KLHDC4: variants seen among roughly 807,000 people sequenced by gnomAD.
The protein encoded by KLHDC4 is kelch domain containing 4, also known as kelch domain-containing protein 4.
In KLHDC4, 90 loss-of-function variants were observed where a neutral mutation model predicts 62.4. That is an observed-to-expected ratio of 1.44 (90% CI 1.22 to 1.72). The LOEUF is 1.72. Among genes scored for constraint, KLHDC4 ranks in the 40% most tolerant of loss-of-function variants. KLHDC4 has a pLI of 0.00. For missense variants in KLHDC4, 1,025 were observed against 699.7 expected (o/e 1.47, Z -5.25); for synonymous variants, 386 against 284.4 (o/e 1.36, Z -3.59).
Position 87,753,021 on chromosome 16 carries a change from G to A in KLHDC4, c.369+2173C>T, listed in dbSNP as rs115974604. 8.7e-3 allele frequency among the ~76,000 whole-genome samples: 1,331 copies of A among 152,348 alleles called. 19 individuals carry two copies. Among genetic ancestry groups the A allele is most frequent in the African/African-American group, 0.03 (1,266 of 41,584 alleles). The stretch of plus-strand genomic sequence containing the variant: ...GCCCTGACCCATGACTCCAGCCCCT[G>A]CAGGCAGCTCCTTCCCTGGAGCAGG... On this transcript the variant is annotated intron_variant, in intron 4 of 11. Transcript: ENST00000270583.
chr16:87,754,942 A>G (rs1256842499), intron 4 of KLHDC4, among the ~76,000 whole-genome samples: 2 of 152,192 alleles, frequency 1.3e-5, no homozygotes, highest in Admixed American at 6.5e-5. Context: ...GCGACACACC[A>G]GGAACGACAC....
intron 9 of KLHDC4, chr16:87,710,567 A>AG (rs1210829123): frequency 6.6e-6 from 1 of 152,286 alleles, no homozygotes; most frequent in Admixed American, 6.5e-5. Context: ...GAAAAGCCAC[A>AG]GGGGAAACCT....
At chr16:87,734,739 A>C (rs1055246933) in intron 5 of KLHDC4, among the ~76,000 whole-genome samples, 1 of 152,112 alleles carries the variant, frequency 6.6e-6, no homozygotes, top group Non-Finnish European at 1.5e-5. Flanking sequence ...CAGCTCACTA[A>C]GTTTCTTTGG....
At chr16:87,705,904 C>T (rs1372328535), downstream of KLHDC4, among the ~76,000 whole-genome samples, 4 of 152,358 alleles carry the variant, frequency 2.6e-5, no homozygotes, top group Middle Eastern at 3.4e-3. Flanking sequence ...GATTGCCCAG[C>T]ACTCAGACAA....
rs2036546793 is a variant in KLHDC4 at position 87,714,540 on chromosome 16, G to A, written c.793C>T (p.His265Tyr). 3.1e-6 allele frequency: 5 copies of A among 1,614,176 alleles called. No individual in the cohort carries two copies. In the East Asian group the frequency reaches 1.1e-4, roughly 36 times the overall value. ...GGCTTCAGCAGGAACATGTCTGAGT[G>A]CCGTGTGCCCTTGTCCACGTCTTTC... ...VKKDVDKGTR[H>Y]SDMFLLKPED... The change falls in exon 8 of 12, where the codon CAC becomes TAC. Residue 265 changes from histidine (H) to tyrosine (Y), a missense_variant. Coordinates refer to ENST00000270583, the MANE Select transcript of KLHDC4 (RefSeq NM_017566.4).
chr16:87,701,251 G>A (rs549507895), exon 1 of KLHDC4: 25 of 228,414 alleles, frequency 1.1e-4, no homozygotes, highest in African/African-American at 4.7e-4. Flanking sequence ...ACCTGGCGCT[G>A]GCTGCAGACG....
exon 1 of KLHDC4, chr16:87,699,139 C>A (rs2034026097): frequency 6.6e-6 from 1 of 152,288 alleles, no homozygotes; most frequent in East Asian, 1.9e-4. Context: ...CTGGAGAAGA[C>A]CCTCTGCCCC....
intron 5 of KLHDC4, among the ~76,000 whole-genome samples, chr16:87,735,859 C>T (rs549622187): frequency 2.7e-4 from 41 of 152,306 alleles, no homozygotes; most frequent in Non-Finnish European, 4.7e-4. Flanking sequence ...GGGCAAGCTG[C>T]CAGGCAGTGT....
intron 5 of KLHDC4, among the ~76,000 whole-genome samples, 167 bp downstream of exon 5, chr16:87,748,506 G>A (rs977822487): frequency 2.6e-5 from 4 of 152,138 alleles, no homozygotes; most frequent in African/African-American, 9.7e-5. Context: ...TGTATGAAGG[G>A]TCCAGAGAAA....
chr16:87,756,948 G>T (rs1284720223), intron 2 of KLHDC4, among the ~76,000 whole-genome samples: 2 of 151,790 alleles, frequency 1.3e-5, no homozygotes, highest in African/African-American at 4.8e-5. Flanking sequence ...CGAGTGGCTG[G>T]GATTGCAGGT....
chr16:87,734,993 GCCTGACGCCCCTCCCCCTCCTGACGAAT>G, intron 5 of KLHDC4, among the ~76,000 whole-genome samples: 1 of 76,420 alleles, frequency 1.3e-5, no homozygotes, highest in South Asian at 3.9e-4. Flanking sequence ...CTGACGAATT[GCCTGACGCCCCTCCCCCTCCTGACGAAT>G]TGCCCGACGC....
intron 2 of KLHDC4, among the ~76,000 whole-genome samples, chr16:87,758,843 G>A (rs955226414): frequency 6.6e-6 from 1 of 152,224 alleles, no homozygotes; most frequent in Non-Finnish European, 1.5e-5. Context: ...ACAGCGACAT[G>A]AAGTAATTCC....
chr16:87,726,927 G>GGTTAGAA lies in KLHDC4; in HGVS notation c.600-10_600-4dup. 6.2e-7 allele frequency: 1 copy of GGTTAGAA among 1,613,702 alleles called. No homozygotes were observed. Among genetic ancestry groups the GGTTAGAA allele is most frequent in the Non-Finnish European group, 8.5e-7 (1 of 1,179,748 alleles). ...CGTCGTTGTAGTAGATGTAATCCCT[G>GGTTAGAA]GTTAGAAGAACAGCAGCTGTCAGGG... is the stretch of plus-strand genomic sequence containing the variant. On this transcript the variant is annotated splice_polypyrimidine_tract_variant and splice_region_variant and intron_variant, in intron 6 of 11. Coordinates refer to ENST00000270583, the MANE Select transcript of KLHDC4 (RefSeq NM_017566.4).
At chr16:87,751,898 C>A (rs538274143) in intron 4 of KLHDC4, among the ~76,000 whole-genome samples, 164 of 149,156 alleles carry the variant, frequency 1.1e-3, no homozygotes, top group African/African-American at 3.7e-3. Flanking sequence ...ATGGTGAAAC[C>A]CTATTTCTAC....
At chr16:87,736,497 T>TA (rs1219251588) in intron 5 of KLHDC4, among the ~76,000 whole-genome samples, 39 of 152,142 alleles carry the variant, frequency 2.6e-4, no homozygotes, top group South Asian at 4.2e-4. Flanking sequence ...CAAAAGCAGT[T>TA]ACAGCACAGC....
rs1474056917 is a variant in KLHDC4, at chr16:87,711,265, G to C, written c.1014C>G (p.Thr338=). The change falls in exon 9 of 12, where the codon ACC becomes ACG. Residue 338 remains threonine, a synonymous_variant. Coordinates refer to ENST00000270583, the MANE Select transcript of KLHDC4 (RefSeq NM_017566.4). ...FFNDLYFYDA[T]RNRWFEGQLK... ...GCTGTCCCTCAAACCAACGGTTCCT[G>C]GTGGCGTCGTAGAAGTACAGATCGT... 6.2e-7 allele frequency: 1 copy of C among 1,614,114 alleles called. No homozygotes were observed. The highest frequency in any genetic ancestry group is 8.5e-7 in the Non-Finnish European group (1 of 1,180,026).
chr16:87,709,999 G>A lies in KLHDC4; in HGVS notation c.1045-332C>T, dbSNP rs1405737411. On this transcript the variant is annotated intron_variant, in intron 9 of 11. Coordinates refer to ENST00000270583, the MANE Select transcript of KLHDC4 (RefSeq NM_017566.4). ...ACAGGGCACCAGCCCCACAGGCTCC[G>A]ACGCTCACCCTGGGAAAACCCAATC... 8 of 305,638 alleles carry A rather than the reference G, an allele frequency of 2.6e-5. 1 individual carries two copies. In the South Asian group the frequency reaches 4.9e-4, roughly 19 times the overall value. 18.9% of individuals were successfully genotyped at this position (305,638 alleles called of 1,614,324 possible). A position where few individuals can be genotyped will look rare whatever the true frequency, so the allele number is the denominator to read the frequency against.
chr16:87,732,762 C>G (rs1407716250), intron 5 of KLHDC4, among the ~76,000 whole-genome samples: 1 of 151,802 alleles, frequency 6.6e-6, no homozygotes, highest in Admixed American at 6.6e-5. Context: ...CCTATCCCAG[C>G]TTCTACAGGT....
intron 1 of KLHDC4, chr16:87,763,588 CAG>C (rs767010099): frequency 2.0e-5 from 3 of 152,188 alleles, no homozygotes; most frequent in Non-Finnish European, 2.9e-5. Context: ...CTCTGGGTGA[CAG>C]AGCAGGACTC....
Sources: allele counts gnomAD v4.1 joint callset (sites outside exome capture counted in the v4.1 genomes callset), GRCh38; gene constraint gnomAD v4.1.1; transcripts MANE v1.5; gene names NCBI Gene and HGNC (gene_info 2026-07-23, HGNC 2026-07-21).